Variants in UBE4B observed in about 807,000 individuals in gnomAD.
UBE4B encodes the protein ubiquitination factor E4B, also known as ubiquitin conjugation factor E4 B.
Under a neutral mutation model 148.1 loss-of-function variants are expected in UBE4B, and 27 were observed. The observed-to-expected ratio is 0.18, with a 90% CI of 0.13 to 0.25. The LOEUF (loss-of-function observed/expected upper bound fraction) is 0.25, where lower values mean the gene tolerates loss of function less well. Ranked by LOEUF, UBE4B falls within the 10% of genes least tolerant of loss-of-function variation. The pLI is 1.00. For synonymous variants in UBE4B, 596 were observed against 619.3 expected (o/e 0.96, Z 0.56); for missense variants, 1,170 against 1,662.4 (o/e 0.70, Z 5.15).
At chr1:10,134,943 T>C in intron 15 of UBE4B, 45 bp from the exon 16 acceptor site, 3 of 1,566,038 alleles carry the variant, frequency 1.9e-6, no homozygotes, top group Non-Finnish European at 2.6e-6. Flanking sequence ...TCAAAAAAAA[T>C]TTTTTTTAAT....
At chr1:10,162,566 C>G (rs1571010625) in intron 23 of UBE4B, among the ~76,000 whole-genome samples, 1 of 151,888 alleles carries the variant, frequency 6.6e-6, no homozygotes, top group East Asian at 1.9e-4. Context: ...CCTCAGCCTC[C>G]CAAAGTGCTG....
chr1:10,102,948 G>C lies in UBE4B; in HGVS notation c.436G>C (p.Glu146Gln), dbSNP rs1645039801. The change falls in exon 5 of 28, where the codon GAG (glutamate) becomes CAG (glutamine). Residue 146 changes from glutamate to glutamine, a missense_variant and splice_region_variant. By Grantham distance (29) the Glu-to-Gln change is conservative. Coordinates refer to ENST00000343090, the MANE Select transcript of UBE4B (RefSeq NM_001105562.3). Reference protein sequence around the residue: ...RREKRSLSDKEPSSGPEVSEE... With the variant: ...RREKRSLSDKQPSSGPEVSEE... ...ACCTGCAAATCTTCTTCTTCACCAG[G>C]AGCCTTCCTCGGGCCCTGAAGTGTC... is the stretch of plus-strand genomic sequence containing the variant. 1 of 1,601,688 alleles carries C rather than the reference G, an allele frequency of 6.2e-7. No individual in the cohort carries two copies. The highest frequency in any genetic ancestry group is 1.3e-5 in the African/African-American group (1 of 74,534).
In UBE4B at chr1:10,033,486, G is replaced by C. The variant is rs1643380430; in HGVS notation, c.-185G>C. On this transcript the variant is annotated 5_prime_UTR_variant, in exon 1 of 28. Coordinates refer to ENST00000343090, the MANE Select transcript of UBE4B (RefSeq NM_001105562.3). Reference sequence around the variant, plus strand: ...AGTCTGTGGGGCGACTGGAGTGACCGAAGCCAAGGCAGTTTAGTGCCTCTC... The same window carrying C: ...AGTCTGTGGGGCGACTGGAGTGACCCAAGCCAAGGCAGTTTAGTGCCTCTC... The C allele has an allele frequency of 1.1e-5, 6 of 550,440 alleles. No homozygotes were observed. The highest frequency in any genetic ancestry group is 1.7e-5 in the Non-Finnish European group (6 of 349,812). The allele number at this position is 550,440 out of a possible 1,614,324, so 34.1% of individuals were successfully genotyped here.
At position 10,079,638 on chromosome 1, in the gene UBE4B, T is replaced by A. The variant is rs1412703172; in HGVS notation, c.211+7424T>A. On this transcript the variant is annotated intron_variant, in intron 2 of 27. Transcript: ENST00000343090. ...TTCAGCCCCTTGACATCTGTTTCCA[T>A]CTGTGGACCACAGGTAAAGATCCTC... 2.0e-5 allele frequency among the ~76,000 whole-genome samples: 3 copies of A among 152,322 alleles called. No individual in the cohort carries two copies. The East Asian group carries it at 5.8e-4, about 29-fold the overall frequency.
At chr1:10,041,957 A>G (rs547580794) in intron 1 of UBE4B, among the ~76,000 whole-genome samples, 2 of 152,164 alleles carry the variant, frequency 1.3e-5, no homozygotes, top group South Asian at 2.1e-4. Context: ...AGCCTCCCAA[A>G]GTTGTGGGAT....
intron 1 of UBE4B, among the ~76,000 whole-genome samples, chr1:10,048,126 A>G (rs56760324): frequency 0.057 from 8,651 of 152,220 alleles, 408 homozygotes; most frequent in African/African-American, 0.13. Context: ...TGGGATTATA[A>G]GCATGAGCCA....
At chr1:10,139,758 C>T (rs1234519598) in intron 17 of UBE4B, among the ~76,000 whole-genome samples, 1 of 151,954 alleles carries the variant, frequency 6.6e-6, no homozygotes, top group Non-Finnish European at 1.5e-5. Context: ...TCTTGTTGCC[C>T]AGGCTTGTTG....
intron 3 of UBE4B, among the ~76,000 whole-genome samples, chr1:10,096,345 C>T (rs1343700443): frequency 2.0e-5 from 3 of 152,142 alleles, no homozygotes; most frequent in Middle Eastern, 3.4e-3. Flanking sequence ...GGTATTGACT[C>T]CTTTCATGGT....
At chr1:10,111,338 G>A (rs1404084626) in intron 7 of UBE4B, among the ~76,000 whole-genome samples, 1 of 151,952 alleles carries the variant, frequency 6.6e-6, no homozygotes, top group Non-Finnish European at 1.5e-5. Flanking sequence ...CTGGACTCCT[G>A]TTCTTTGCAC....
intron 11 of UBE4B, 85 bp downstream of exon 11, chr1:10,126,962 A>G: frequency 8.4e-7 from 1 of 1,193,580 alleles, no homozygotes; most frequent in South Asian, 1.3e-5. Flanking sequence ...TTTCAGGTCC[A>G]TGAGATCAAC....
At chr1:10,064,060 T>C (rs2101817844) in intron 1 of UBE4B, among the ~76,000 whole-genome samples, 1 of 152,302 alleles carries the variant, frequency 6.6e-6, no homozygotes, top group South Asian at 2.1e-4. Context: ...GTCTTTCTTG[T>C]CTGTGCCTCA....
intron 18 of UBE4B, 23 bp from the exon 19 acceptor site, chr1:10,146,940 T>A: frequency 6.2e-7 from 1 of 1,612,020 alleles, no homozygotes; most frequent in Non-Finnish European, 8.5e-7. Context: ...GATCTTTGGG[T>A]GGGGACATCC....
At chr1:10,094,641 A>T (rs1259584081) in intron 2 of UBE4B, among the ~76,000 whole-genome samples, 2 of 151,646 alleles carry the variant, frequency 1.3e-5, no homozygotes, top group African/African-American at 4.8e-5. Flanking sequence ...TCACCATGTT[A>T]GCCAGGATGG....
intron 2 of UBE4B, among the ~76,000 whole-genome samples, chr1:10,083,669 T>G (rs919544523): frequency 6.6e-6 from 1 of 152,140 alleles, no homozygotes; most frequent in Non-Finnish European, 1.5e-5. Context: ...CCCCAAGGCC[T>G]GAGGGCTGCA....
At chr1:10,157,675 G>A (rs1646096044) in intron 21 of UBE4B, among the ~76,000 whole-genome samples, 1 of 152,062 alleles carries the variant, frequency 6.6e-6, no homozygotes, top group South Asian at 2.1e-4. Context: ...CTACTAGGGA[G>A]GCTGAGGCAG....
chr1:10,051,274 C>A (rs1644038194), intron 1 of UBE4B, among the ~76,000 whole-genome samples: 1 of 152,136 alleles, frequency 6.6e-6, no homozygotes, highest in Admixed American at 6.6e-5. Context: ...GTATGGAATA[C>A]CATCTCGTAG....
chr1:10,082,714 T>C (rs1349577084), intron 2 of UBE4B, among the ~76,000 whole-genome samples: 5 of 149,490 alleles, frequency 3.3e-5, no homozygotes, highest in Admixed American at 1.4e-4. Flanking sequence ...TAGGTACACA[T>C]GTGCCATGGT....
chr1:10,173,094 G>T (rs941041533), intron 25 of UBE4B, among the ~76,000 whole-genome samples: 1 of 152,188 alleles, frequency 6.6e-6, no homozygotes, highest in African/African-American at 2.4e-5. Flanking sequence ...TTCTCAGAGC[G>T]ACACATGACT....
At chr1:10,043,004 CT>C (rs749891240) in intron 1 of UBE4B, among the ~76,000 whole-genome samples, 2,503 of 140,118 alleles carry the variant, frequency 0.018, 35 homozygotes, top group African/African-American at 0.048. Flanking sequence ...GTCATTCATT[CT>C]TTTTTTTTTT....
Sources: gnomAD v4.1 joint callset for allele counts (sites outside exome capture counted in the v4.1 genomes callset) on GRCh38, gnomAD v4.1.1 for gene constraint, MANE v1.5 for transcripts, NCBI Gene and HGNC (gene_info 2026-07-23, HGNC 2026-07-21) for gene names.